The following AP3D1 variants were observed in gnomAD, a reference collection of about 807,000 sequenced individuals.
AP3D1 encodes the protein AP-3 complex subunit delta-1.
In AP3D1, 51 loss-of-function variants were observed where a neutral mutation model predicts 147.6. The ratio of observed to expected loss-of-function variants is 0.35; its 90% CI spans 0.28 to 0.44. The LOEUF is 0.44. AP3D1 is among the 20% of genes least tolerant of loss of function. The pLI is 1.00. For missense variants in AP3D1, 1,421 were observed against 1,624.2 expected, an observed-to-expected ratio of 0.87 and a Z score of 2.15; for synonymous variants, 760 against 663.0, an observed-to-expected ratio of 1.15 and a Z score of -2.25.
chr19:2,120,807 C>A, intron 14 of AP3D1, 55 bp downstream of exon 14: 1 of 1,544,436 alleles, frequency 6.5e-7, no homozygotes, highest in Non-Finnish European at 8.8e-7. Context: ...TCCCTGGTCC[C>A]TACCCCTCAG....
chr19:2,101,177 T>G lies in AP3D1; in HGVS notation c.*996A>C, dbSNP rs2017941216. ...GGATTACATGCTAAAGTGACAGTTT[T>G]CATCAAAAGGAGAAGATAAAATGTC... On this transcript the variant is annotated 3_prime_UTR_variant, in exon 32 of 32. Coordinates refer to ENST00000643116, the MANE Select transcript of AP3D1 (RefSeq NM_001261826.3). 1 of 152,614 alleles carries G rather than the reference T, an allele frequency of 6.6e-6. No homozygotes were observed. The highest frequency in any genetic ancestry group is 2.4e-5 in the African/African-American group (1 of 41,456). 9.5% of individuals were successfully genotyped at this position (152,614 alleles called of 1,614,324 possible).
At chr19:2,157,274 C>T (rs1343172386) in intron 1 of AP3D1, among the ~76,000 whole-genome samples, 3 of 151,276 alleles carry the variant, frequency 2.0e-5, no homozygotes, top group Admixed American at 6.6e-5. Context: ...AACCCCGTCT[C>T]TACTAAAAAT....
At chr19:2,140,050 G>A (rs1356833850) in intron 1 of AP3D1, among the ~76,000 whole-genome samples, 3 of 151,896 alleles carry the variant, frequency 2.0e-5, no homozygotes, top group Non-Finnish European at 2.9e-5. Flanking sequence ...AGTGCCACCC[G>A]ATCCTCCAGA....
At chr19:2,106,579 T>TGAAGGCAGGGACTCCAACAGTTA (rs1489879798) in intron 31 of AP3D1, among the ~76,000 whole-genome samples, 1 of 151,840 alleles carries the variant, frequency 6.6e-6, no homozygotes, top group Non-Finnish European at 1.5e-5. Context: ...ACAAAAGTAC[T>TGAAGGCAGGGACTCCAACAGTTA]GAAGGCAGGG....
intron 8 of AP3D1, among the ~76,000 whole-genome samples, chr19:2,128,369 G>A (rs2018819974): frequency 6.6e-6 from 1 of 152,096 alleles, no homozygotes; most frequent in Non-Finnish European, 1.5e-5. Flanking sequence ...GTCTAGGACG[G>A]ACAGTCATCT....
At position 2,151,398 on chromosome 19, in the gene AP3D1, G is replaced by A. The variant is rs1168090130; in HGVS notation, c.-64C>T. 3 of 1,082,148 alleles carry A rather than the reference G, an allele frequency of 2.8e-6. No individual in the cohort carries two copies. The highest frequency in any genetic ancestry group is 3.5e-6 in the Non-Finnish European group (3 of 853,582). 67.0% of individuals were successfully genotyped at this position (1,082,148 alleles called of 1,614,324 possible). A position where few individuals can be genotyped will look rare whatever the true frequency, so the allele number is the denominator to read the frequency against. ...GCTGGGCGCCGTGAGGGGGCCCGGG[G>A]CCCGTGCCTGCCGCCCGCGGAGCGC... On this transcript the variant is annotated 5_prime_UTR_variant, in exon 1 of 32. Coordinates refer to ENST00000643116, the MANE Select transcript of AP3D1 (RefSeq NM_001261826.3).
rs758047277 is a variant in AP3D1 at position 2,136,999 on chromosome 19, G to A, written c.354+12C>T. 156 of 1,577,886 alleles carry A rather than the reference G, an allele frequency of 9.9e-5. No homozygotes were observed. Among genetic ancestry groups the A allele is most frequent in the Middle Eastern group, 1.7e-4 (1 of 6,058 alleles). On this transcript the variant is annotated intron_variant, in intron 4 of 31. Transcript: ENST00000643116. ...ACTCAGCACAGAGCGGCCCCGGCCCGGGAACACCCACCTTACGGATCTGAT... is the reference window on the plus strand; with the variant it reads ...ACTCAGCACAGAGCGGCCCCGGCCCAGGAACACCCACCTTACGGATCTGAT...
intron 29 of AP3D1, chr19:2,109,574 G>A (rs536475691): frequency 8.0e-6 from 4 of 499,194 alleles, no homozygotes; most frequent in South Asian, 2.6e-5. Flanking sequence ...AAGCCGTGCC[G>A]AGGAGAGGCT....
chr19:2,106,012 G>A (rs939093041), intron 31 of AP3D1, among the ~76,000 whole-genome samples: 27 of 152,020 alleles, frequency 1.8e-4, no homozygotes, highest in Non-Finnish European at 2.5e-4. Flanking sequence ...CAGGAGAATC[G>A]CTTGAACCCG....
At chr19:2,121,582 C>T (rs2145070349) in intron 12 of AP3D1, 152 bp downstream of exon 12, 1 of 1,170,872 alleles carries the variant, frequency 8.5e-7, no homozygotes, top group Non-Finnish European at 1.2e-6. Flanking sequence ...AGGCATGGAC[C>T]AGGACTGGCG....
intron 25 of AP3D1, 37 bp from the exon 26 acceptor site, chr19:2,111,369 C>T (rs372788841): frequency 5.0e-6 from 8 of 1,612,682 alleles, no homozygotes; most frequent in East Asian, 4.5e-5. Context: ...TTGGGGGCCC[C>T]GAGCTCCGTC....
intron 1 of AP3D1, among the ~76,000 whole-genome samples, chr19:2,156,651 C>T (rs1408087677): frequency 2.0e-5 from 3 of 152,014 alleles, no homozygotes; most frequent in Non-Finnish European, 4.4e-5. Flanking sequence ...GAGATCGAGA[C>T]CATCCTGGCT....
intron 5 of AP3D1, among the ~76,000 whole-genome samples, chr19:2,131,773 G>C (rs1234372704): frequency 7.3e-6 from 1 of 136,292 alleles, no homozygotes; most frequent in Non-Finnish European, 1.5e-5. Flanking sequence ...CGGGCGGACA[G>C]GCAGCCACAC....
chr19:2,107,739 CA>C (rs1268434677), intron 31 of AP3D1, among the ~76,000 whole-genome samples: 130 of 86,460 alleles, frequency 1.5e-3, no homozygotes, highest in Admixed American at 1.9e-3. Context: ...GACTCCGTCT[CA>C]AAAAAAAAAA....
At chr19:2,152,728 T>C (rs1568313152), upstream of AP3D1, among the ~76,000 whole-genome samples, 1 of 150,228 alleles carries the variant, frequency 6.7e-6, no homozygotes, top group Non-Finnish European at 1.5e-5. Flanking sequence ...ATACAAAAAT[T>C]AGCCGGGCGT....
chr19:2,128,078 T>C (rs566966166), intron 8 of AP3D1, among the ~76,000 whole-genome samples: 19 of 152,300 alleles, frequency 1.2e-4, no homozygotes, highest in African/African-American at 4.1e-4. Flanking sequence ...CATCTGAAAG[T>C]CATGGCGATG....
Position 2,113,942 on chromosome 19 carries a change from T to C in AP3D1, c.2601+183A>G, listed in dbSNP as rs577203864. Among the ~76,000 whole-genome samples the C allele has an allele frequency of 9.2e-5, 14 of 152,072 alleles. 1 individual carries two copies. The highest frequency in any genetic ancestry group is 1.6e-4 in the Non-Finnish European group (11 of 67,972). On this transcript the variant is annotated intron_variant, in intron 22 of 31. Coordinates refer to ENST00000643116, the MANE Select transcript of AP3D1 (RefSeq NM_001261826.3). ...CCTCCTCAGTCTCCCCTGACACAAG[T>C]GCACAGTCAGCTCCCCTCAGAAGCC...
chr19:2,147,345 C>CAAAAA (rs71176517), intron 1 of AP3D1, among the ~76,000 whole-genome samples: 100 of 79,770 alleles, frequency 1.3e-3, no homozygotes, highest in Non-Finnish European at 1.5e-3. Context: ...AACTCTGTCT[C>CAAAAA]AAAAAAAAAA....
rs1405957745 is a variant in AP3D1 at position 2,123,875 on chromosome 19, G to A, written c.861C>T (p.Leu287=). The A allele has an allele frequency of 1.3e-6, 2 of 1,577,024 alleles. No individual in the cohort carries two copies. Among genetic ancestry groups the A allele is most frequent in the Non-Finnish European group, 1.7e-6 (2 of 1,161,516 alleles). Residue 287 remains leucine (L), a synonymous_variant, in exon 10 of 32, where the codon CTC becomes CTT. Coordinates refer to ENST00000643116, the MANE Select transcript of AP3D1 (RefSeq NM_001261826.3). ...TGGGCATGCCGGAGGACAGCGAGAT[G>A]AGCACTGCAACAGACAGCTTGGTCA... ...YECVNTVIAV[L]ISLSSGMPNH...
Sources: allele counts gnomAD v4.1 joint callset (sites outside exome capture counted in the v4.1 genomes callset), GRCh38; gene constraint gnomAD v4.1.1; transcripts MANE v1.5; gene names NCBI Gene and HGNC (gene_info 2026-07-23, HGNC 2026-07-21).